Variants in ARHGAP44 observed in about 807,000 individuals in gnomAD.
ARHGAP44 encodes the protein rho GTPase-activating protein 44.
ARHGAP44 carries 43 observed loss-of-function variants against 106.8 expected under a neutral mutation model. The ratio of observed to expected loss-of-function variants is 0.40; its 90% CI spans 0.32 to 0.52. The LOEUF is 0.52. Among genes scored for constraint, ARHGAP44 ranks in the 20% least tolerant of loss-of-function variants. The pLI is 0.48. For synonymous variants in ARHGAP44, 439 were observed against 410.3 expected, an observed-to-expected ratio of 1.07 and a Z score of -0.85; for missense variants, 866 against 1,050.5, an observed-to-expected ratio of 0.82 and a Z score of 2.43.
intron 1 of ARHGAP44, among the ~76,000 whole-genome samples, chr17:12,825,416 T>G (rs1034854236): frequency 6.8e-6 from 1 of 148,082 alleles, no homozygotes; most frequent in Non-Finnish European, 1.5e-5. Context: ...AGGAGTGTGT[T>G]TGTGTGTGTG....
chr17:12,870,048 C>CTTTTTTTTTT (rs3074688), intron 1 of ARHGAP44, among the ~76,000 whole-genome samples: 5 of 113,092 alleles, frequency 4.4e-5, no homozygotes, highest in African/African-American at 1.0e-4. Context: ...CAAATACCGT[C>CTTTTTTTTTT]TTTTTTTTTT....
chr17:12,816,436 A>G (rs957427763), intron 1 of ARHGAP44, among the ~76,000 whole-genome samples: 5 of 152,218 alleles, frequency 3.3e-5, no homozygotes, highest in Non-Finnish European at 7.3e-5. Flanking sequence ...ATATTAGGGT[A>G]GGGAAAGTCA....
Position 12,974,231 on chromosome 17 carries a change from G to C in ARHGAP44, c.1684G>C (p.Glu562Gln). ...LAAPLPSPLPEQPLDSPAAPA... is the reference protein window; with the variant it reads ...LAAPLPSPLPQQPLDSPAAPA... Reference sequence around the variant, plus strand: ...TGCGCCCCTGCCTTCGCCGCTGCCGGAGCAGCCCCTGGACAGCCCCGCGGC... The same window carrying C: ...TGCGCCCCTGCCTTCGCCGCTGCCGCAGCAGCCCCTGGACAGCCCCGCGGC... Residue 562 changes from glutamate to glutamine, a missense_variant, in exon 18 of 21, where the codon GAG becomes CAG. Coordinates refer to ENST00000379672, the MANE Select transcript of ARHGAP44 (RefSeq NM_014859.6). The C allele has an allele frequency of 2.6e-6, 4 of 1,545,828 alleles. No homozygotes were observed. Among genetic ancestry groups the C allele is most frequent in the Non-Finnish European group, 3.5e-6 (4 of 1,145,350 alleles).
intron 1 of ARHGAP44, among the ~76,000 whole-genome samples, chr17:12,799,199 C>T (rs571225180): frequency 2.6e-5 from 4 of 152,212 alleles, no homozygotes; most frequent in Admixed American, 2.0e-4. Context: ...CCTGATTTCC[C>T]TGAGTTTACT....
chr17:12,864,118 C>T (rs2036168521), intron 1 of ARHGAP44, among the ~76,000 whole-genome samples: 1 of 152,048 alleles, frequency 6.6e-6, no homozygotes, highest in African/African-American at 2.4e-5. Context: ...TTCCCTGGTT[C>T]AAGGGGTTAG....
At position 12,833,400 on chromosome 17, in the gene ARHGAP44, C is replaced by T. The variant is rs115082457; in HGVS notation, c.53+43509C>T. 1.9e-3 allele frequency among the ~76,000 whole-genome samples: 282 copies of T among 152,294 alleles called. 1 individual carries two copies. The highest frequency in any genetic ancestry group is 6.3e-3 in the African/African-American group (264 of 41,576). ...CAACTAGCTTAAAGTCGGTGCCTCC[C>T]TGACTCTCTTGACTCTTTTCCGTGT... On this transcript the variant is annotated intron_variant, in intron 1 of 20. Transcript: ENST00000379672.
chr17:12,812,751 T>C (rs1367132172), intron 1 of ARHGAP44, among the ~76,000 whole-genome samples: 1 of 152,224 alleles, frequency 6.6e-6, no homozygotes, highest in Non-Finnish European at 1.5e-5. Flanking sequence ...TGAACAGTGC[T>C]TCTCAACTGG....
intron 1 of ARHGAP44, among the ~76,000 whole-genome samples, chr17:12,889,574 CT>C (rs2036980743): frequency 6.6e-6 from 1 of 152,176 alleles, no homozygotes; most frequent in South Asian, 2.1e-4. Flanking sequence ...AACACAGGAA[CT>C]TCAGGAGACA....
chr17:12,964,298 A>G (rs1445962031), intron 16 of ARHGAP44, among the ~76,000 whole-genome samples: 1 of 151,808 alleles, frequency 6.6e-6, no homozygotes, highest in Admixed American at 6.6e-5. Flanking sequence ...TTTTTTTTCT[A>G]CTGCCTTCAG....
intron 16 of ARHGAP44, among the ~76,000 whole-genome samples, chr17:12,960,560 C>CA (rs1242390953): frequency 2.6e-5 from 3 of 117,020 alleles, no homozygotes; most frequent in African/African-American, 8.9e-5. Flanking sequence ...AGCAAGACTC[C>CA]ATCTCAAAGA....
At chr17:12,961,602 C>T (rs547098404) in intron 16 of ARHGAP44, among the ~76,000 whole-genome samples, 258 of 152,160 alleles carry the variant, frequency 1.7e-3, no homozygotes, top group Non-Finnish European at 3.0e-3. Flanking sequence ...GGTATGATGG[C>T]GCATGCCTGT....
chr17:12,985,123 A>C, intron 20 of ARHGAP44: 1 of 585,226 alleles, frequency 1.7e-6, no homozygotes, highest in Non-Finnish European at 2.9e-6. Context: ...TTCTTATGGG[A>C]TCTCTCTCGG....
At chr17:12,901,973 A>G (rs1393379876) in intron 3 of ARHGAP44, among the ~76,000 whole-genome samples, 1 of 145,822 alleles carries the variant, frequency 6.9e-6, no homozygotes, top group Admixed American at 6.7e-5. Flanking sequence ...CTTTCTGAAC[A>G]CAGTGGCTCC....
At chr17:12,878,076 A>G (rs532629612) in intron 1 of ARHGAP44, among the ~76,000 whole-genome samples, 1 of 152,206 alleles carries the variant, frequency 6.6e-6, no homozygotes, top group Non-Finnish European at 1.5e-5. Flanking sequence ...ATATGTTTTC[A>G]TATTTTTAGA....
chr17:12,943,517 T>C, intron 8 of ARHGAP44, 71 bp from the exon 9 acceptor site: 15 of 1,459,948 alleles, frequency 1.0e-5, no homozygotes, highest in Non-Finnish European at 1.4e-5. Context: ...TTCTGCAAAA[T>C]GCTTTGCATG....
At chr17:12,814,790 CT>C (rs1460257202) in intron 1 of ARHGAP44, among the ~76,000 whole-genome samples, 3 of 152,140 alleles carry the variant, frequency 2.0e-5, no homozygotes, top group Non-Finnish European at 4.4e-5. Context: ...TCCTCTCTTC[CT>C]TCTTATCTCC....
intron 1 of ARHGAP44, among the ~76,000 whole-genome samples, chr17:12,817,954 A>AAAT (rs2034645318): frequency 6.6e-6 from 1 of 152,026 alleles, no homozygotes; most frequent in Non-Finnish European, 1.5e-5. Context: ...GGAATAACAC[A>AAAT]GTCTCTTTCA....
chr17:12,991,484 T>C lies in ARHGAP44; in HGVS notation c.*1313T>C, dbSNP rs1567732787. ...CTCTGAGAGTGGGATGTGCAGAGTT[T>C]TGATGTTGCAGCTTTGCTCACTTCC... On this transcript the variant is annotated 3_prime_UTR_variant, in exon 21 of 21. Transcript: ENST00000379672. 1 of 172,784 alleles carries C rather than the reference T, an allele frequency of 5.8e-6. No homozygotes were observed. Among genetic ancestry groups the C allele is most frequent in the East Asian group, 1.0e-4 (1 of 9,528 alleles). 10.7% of individuals were successfully genotyped at this position (172,784 alleles called of 1,614,324 possible). A position where few individuals can be genotyped will look rare whatever the true frequency, so the allele number is the denominator to read the frequency against.
chr17:12,952,365 A>T, intron 12 of ARHGAP44, 136 bp from the exon 13 acceptor site: 1 of 735,874 alleles, frequency 1.4e-6, no homozygotes, highest in Non-Finnish European at 2.2e-6. Context: ...TAACAACCAA[A>T]TTTTTAAATA....
Sources: gnomAD v4.1 joint callset for allele counts (sites outside exome capture counted in the v4.1 genomes callset) on GRCh38, gnomAD v4.1.1 for gene constraint, MANE v1.5 for transcripts, NCBI Gene and HGNC (gene_info 2026-07-23, HGNC 2026-07-21) for gene names.